TACC1: variants seen among roughly 807,000 people sequenced by gnomAD.
TACC1 encodes transforming acidic coiled-coil-containing protein 1.
A neutral mutation model predicts 84.4 loss-of-function variants in TACC1; 48 were observed. That is an observed-to-expected ratio of 0.57 (90% CI 0.45 to 0.72). The LOEUF (loss-of-function observed/expected upper bound fraction) is 0.72, where lower values mean the gene tolerates loss of function less well. Among genes scored for constraint, TACC1 ranks in the 30% least tolerant of loss-of-function variants. TACC1 has a pLI of 0.00. For synonymous variants in TACC1, 372 were observed against 376.3 expected, an observed-to-expected ratio of 0.99 and a Z score of 0.13; for missense variants, 920 against 973.0, an observed-to-expected ratio of 0.95 and a Z score of 0.72.
At chr8:38,827,473 G>A in intron 5 of TACC1, 98 bp downstream of exon 5, 4 of 1,281,350 alleles carry the variant, frequency 3.1e-6, no homozygotes, top group Non-Finnish European at 3.3e-6. Context: ...TAAAGAATTG[G>A]GTCACTTGAA....
At chr8:38,819,164 G>A (rs1826108572) in intron 2 of TACC1, among the ~76,000 whole-genome samples, 1 of 152,152 alleles carries the variant, frequency 6.6e-6, no homozygotes, top group African/African-American at 2.4e-5. Context: ...CATAGCTGTT[G>A]GTTTCTAAAT....
chr8:38,783,644 C>T (rs13261563), upstream of TACC1, among the ~76,000 whole-genome samples: 19,509 of 152,192 alleles, frequency 0.13, 1,558 homozygotes, highest in South Asian at 0.28. Flanking sequence ...TGGTCTCATA[C>T]TCCTGACCTT....
rs1358974745 is a variant in TACC1, at chr8:38,787,285, C to T, written c.-298C>T. ...CAGCAGAGGTCTAGCAGCCGGGCGC[C>T]GCGGGCCGGGGGCCTGAGGAGGCCA... On this transcript the variant is annotated 5_prime_UTR_variant, in exon 1 of 13. Transcript: ENST00000317827. 2.7e-6 allele frequency: 3 copies of T among 1,103,402 alleles called. No homozygotes were observed. In the African/African-American group the frequency reaches 4.9e-5, roughly 18 times the overall value. 68.4% of individuals were successfully genotyped at this position (1,103,402 alleles called of 1,614,324 possible). A position where few individuals can be genotyped will look rare whatever the true frequency, so the allele number is the denominator to read the frequency against.
chr8:38,836,265 T>A lies in TACC1; in HGVS notation c.1817T>A (p.Val606Glu). Residue 606 changes from valine to glutamate, a missense_variant, in exon 7 of 13, where the codon GTG becomes GAG. Transcript: ENST00000317827. ...CTCAGCGAATCAGACAAGACAGCCG[T>A]GCTCACCTTAATAAGAGAAGAGGTA... ...ICLSESDKTA[V>E]LTLIREEIIT... 6.2e-7 allele frequency: 1 copy of A among 1,611,270 alleles called. No individual in the cohort carries two copies. The highest frequency in any genetic ancestry group is 8.5e-7 in the Non-Finnish European group (1 of 1,179,742).
At chr8:38,827,784 G>A (rs1297057726) in intron 5 of TACC1, 3 of 172,734 alleles carry the variant, frequency 1.7e-5, no homozygotes, top group Non-Finnish European at 3.8e-5. Flanking sequence ...CATGGCACCA[G>A]TGCCTGCTTC....
chr8:38,825,374 T>A lies in TACC1; in HGVS notation c.1452+6T>A, dbSNP rs1265060898. ...CCCTGGATGCATGTTCTCGGGTGAG[T>A]CTGTGCCCATCTCCAGAATGTCTCT... On this transcript the variant is annotated splice_donor_region_variant and intron_variant, in intron 4 of 12. Coordinates refer to ENST00000317827, the MANE Select transcript of TACC1 (RefSeq NM_006283.3). 1.9e-6 allele frequency: 3 copies of A among 1,613,862 alleles called. No individual in the cohort carries two copies. The highest frequency in any genetic ancestry group is 2.5e-6 in the Non-Finnish European group (3 of 1,179,928).
intron 3 of TACC1, among the ~76,000 whole-genome samples, chr8:38,779,226 C>T (rs1176151352): frequency 1.3e-5 from 2 of 152,174 alleles, no homozygotes; most frequent in African/African-American, 4.8e-5. Flanking sequence ...CCTCCTGCCT[C>T]AGCCTCCAAA....
intron 3 of TACC1, among the ~76,000 whole-genome samples, chr8:38,768,067 T>G (rs1199419407): frequency 3.3e-5 from 4 of 119,944 alleles, no homozygotes; most frequent in African/African-American, 9.3e-5. Flanking sequence ...GACGCTGTCT[T>G]GAAGGAAGGA....
chr8:38,846,628 CCTGA>C (rs1832355540), intron 11 of TACC1, 67 bp from the exon 12 acceptor site: 49 of 1,583,198 alleles, frequency 3.1e-5, no homozygotes, highest in Non-Finnish European at 4.2e-5. Context: ...TGGTTAGTAT[CCTGA>C]CTGGCTTTGA....
intron 3 of TACC1, among the ~76,000 whole-genome samples, chr8:38,821,128 C>T (rs1458039681): frequency 6.6e-6 from 1 of 151,904 alleles, no homozygotes; most frequent in Non-Finnish European, 1.5e-5. Flanking sequence ...TTGCTTGAAC[C>T]CAGGAGGCAG....
chr8:38,811,488 G>C (rs953198597), intron 2 of TACC1, among the ~76,000 whole-genome samples: 2 of 152,176 alleles, frequency 1.3e-5, no homozygotes, highest in Non-Finnish European at 2.9e-5. Context: ...AACATAAATC[G>C]TGAAGATTTC....
At chr8:38,757,813 G>C (rs1034596005) in intron 3 of TACC1, among the ~76,000 whole-genome samples, 3 of 152,196 alleles carry the variant, frequency 2.0e-5, no homozygotes, top group African/African-American at 7.2e-5. Context: ...CGCAATTGGC[G>C]TTGGCCCTCG....
rs10599906 is a variant in TACC1, at chr8:38,774,416, G to GGAAT, written c.27-14260_27-14257dup. 1.4e-3 allele frequency among the ~76,000 whole-genome samples: 218 copies of GGAAT among 151,504 alleles called. 6 individuals carry two copies. The highest frequency in any genetic ancestry group is 1.7e-3 in the East Asian group (9 of 5,170). On this transcript the variant is annotated intron_variant, in intron 3 of 14. Coordinates refer to the TACC1 transcript ENST00000518415. ...AAGCTTGGTCATTTGTCAAATTTGT[G>GGAAT]GAATGAATGAATGAATGAATGAATG...
intron 2 of TACC1, among the ~76,000 whole-genome samples, chr8:38,815,482 C>T (rs961879725): frequency 2.1e-4 from 32 of 152,154 alleles, no homozygotes; most frequent in Admixed American, 5.9e-4. Context: ...TGCAGTGGTG[C>T]GATCTCGGCT....
At chr8:38,770,520 CT>C (rs1402964570) in intron 3 of TACC1, among the ~76,000 whole-genome samples, 4 of 152,122 alleles carry the variant, frequency 2.6e-5, no homozygotes, top group Admixed American at 1.3e-4. Flanking sequence ...TCACCAGAGG[CT>C]TGAGATCTGT....
At chr8:38,837,802 T>C (rs1214155817) in intron 7 of TACC1, among the ~76,000 whole-genome samples, 1 of 152,240 alleles carries the variant, frequency 6.6e-6, no homozygotes, top group Admixed American at 6.5e-5. Context: ...AGGCTGCCCA[T>C]GCAAGCCCAG....
intron 3 of TACC1, chr8:38,757,378 G>A (rs1810297341): frequency 4.0e-6 from 5 of 1,261,630 alleles, no homozygotes; most frequent in Non-Finnish European, 5.1e-6. Context: ...GGAACCCGCC[G>A]GGGAGAGGCA....
At chr8:38,794,566 G>A (rs1486540568) in intron 2 of TACC1, among the ~76,000 whole-genome samples, 1 of 151,356 alleles carries the variant, frequency 6.6e-6, no homozygotes, top group African/African-American at 2.4e-5. Flanking sequence ...GTTTGTTTGT[G>A]TGTGTGTGTG....
intron 9 of TACC1, among the ~76,000 whole-genome samples, chr8:38,841,824 A>AT (rs1434697366): frequency 6.6e-6 from 1 of 152,160 alleles, no homozygotes; most frequent in Non-Finnish European, 1.5e-5. Context: ...CCTGCATGGA[A>AT]TTTAGAGTCT....
Sources: allele counts gnomAD v4.1 joint callset (sites outside exome capture counted in the v4.1 genomes callset), GRCh38; gene constraint gnomAD v4.1.1; transcripts MANE v1.5; gene names NCBI Gene and HGNC (gene_info 2026-07-23, HGNC 2026-07-21).